DNAH11: variants seen among roughly 807,000 people sequenced by gnomAD.
The protein encoded by DNAH11 is dynein axonemal heavy chain 11.
In DNAH11, 442 loss-of-function variants were observed where a neutral mutation model predicts 526.0. That is an observed-to-expected ratio of 0.84 (90% CI 0.78 to 0.91). The LOEUF (loss-of-function observed/expected upper bound fraction) is 0.91. Among genes scored for constraint, DNAH11 ranks in the 40% least tolerant of loss-of-function variants. DNAH11 has a pLI of 0.00. For missense variants in DNAH11, 6,989 were observed against 5,448.7 expected (o/e 1.28, Z -8.90); for synonymous variants, 2,461 against 1,935.9 (o/e 1.27, Z -7.12).
At chr7:21,564,098 T>C in intron 5 of DNAH11, 88 bp from the exon 6 acceptor site, 1 of 932,230 alleles carries the variant, frequency 1.1e-6, no homozygotes, top group Non-Finnish European at 1.6e-6. Context: ...CATGTTGTTT[T>C]ACGTGGCTCT....
chr7:21,697,356 C>G (rs1262754764), intron 35 of DNAH11, among the ~76,000 whole-genome samples: 1 of 152,016 alleles, frequency 6.6e-6, no homozygotes, highest in Admixed American at 6.6e-5. Context: ...CCCAGTTGGT[C>G]CTAGGCAGTG....
rs768307162 is a variant in DNAH11, at chr7:21,749,832, C to A, written c.8797+31C>A. ...TAAACCAACACATTTCTTGAAAGATCTTCCCCAATGACAAATTATCTGTAG... is the reference window on the plus strand; with the variant it reads ...TAAACCAACACATTTCTTGAAAGATATTCCCCAATGACAAATTATCTGTAG... On this transcript the variant is annotated intron_variant, in intron 53 of 81. Transcript: ENST00000409508. The A allele has an allele frequency of 2.2e-5, 36 of 1,611,124 alleles. No homozygotes were observed. The African/African-American group carries it at 4.4e-4, about 20-fold the overall frequency.
chr7:21,672,067 C>G (rs1782662420), intron 30 of DNAH11, among the ~76,000 whole-genome samples: 1 of 152,150 alleles, frequency 6.6e-6, no homozygotes, highest in Non-Finnish European at 1.5e-5. Flanking sequence ...TTCCTTTGCT[C>G]TGGCTGGCGG....
Position 21,720,817 on chromosome 7 carries a change from T to C in DNAH11, c.7227T>C (p.Ala2409=). 2 of 1,613,058 alleles carry C rather than the reference T, an allele frequency of 1.2e-6. No homozygotes were observed. The change falls in exon 44 of 82, where the codon GCT becomes GCC. Residue 2409 remains alanine, a synonymous_variant. Coordinates refer to ENST00000409508, the MANE Select transcript of DNAH11 (RefSeq NM_001277115.2). ...KEVYEVYFVF[A]CIWAFGGTLL... ...TTTATGAAGTCTATTTTGTATTTGC[T>C]TGTATCTGGGCTTTTGGAGGCACCC...
intron 4 of DNAH11, among the ~76,000 whole-genome samples, chr7:21,560,407 T>C (rs1371234651): frequency 6.6e-6 from 1 of 152,136 alleles, no homozygotes; most frequent in Admixed American, 6.6e-5. Flanking sequence ...CTGTCTGTAG[T>C]TGAGGAGCAA....
intron 65 of DNAH11, among the ~76,000 whole-genome samples, chr7:21,839,284 G>A (rs1278857230): frequency 6.6e-6 from 1 of 152,034 alleles, no homozygotes; most frequent in African/African-American, 2.4e-5. Context: ...TATATTAAAA[G>A]TTGATGCCGA....
chr7:21,669,049 A>G (rs893433580), intron 30 of DNAH11, among the ~76,000 whole-genome samples: 1 of 152,178 alleles, frequency 6.6e-6, no homozygotes. Context: ...TTGTGATTTT[A>G]ACTGGCATTT....
intron 55 of DNAH11, among the ~76,000 whole-genome samples, chr7:21,766,206 A>G (rs1353059901): frequency 6.6e-6 from 1 of 152,206 alleles, no homozygotes; most frequent in African/African-American, 2.4e-5. Context: ...GCATTTTAAA[A>G]TGGTTGTACA....
intron 46 of DNAH11, 135 bp from the exon 47 acceptor site, chr7:21,738,566 T>C: frequency 9.5e-6 from 8 of 837,722 alleles, no homozygotes; most frequent in Non-Finnish European, 1.4e-5. Context: ...CCCGGGTCTC[T>C]TAACCTATGA....
chr7:21,842,105 C>T (rs1390305353), intron 65 of DNAH11, among the ~76,000 whole-genome samples: 1 of 152,032 alleles, frequency 6.6e-6, no homozygotes, highest in Non-Finnish European at 1.5e-5. Context: ...GTTTTTGTGA[C>T]CAGGAACATG....
intron 66 of DNAH11, among the ~76,000 whole-genome samples, chr7:21,843,789 C>T (rs1384683798): frequency 6.6e-6 from 1 of 151,992 alleles, no homozygotes; most frequent in African/African-American, 2.4e-5. Context: ...ATGCTGTGCC[C>T]AGCTTTCTAA....
At chr7:21,892,897 T>C (rs892742121) in intron 77 of DNAH11, among the ~76,000 whole-genome samples, 2 of 152,156 alleles carry the variant, frequency 1.3e-5, no homozygotes, top group African/African-American at 4.8e-5. Context: ...ACCTCTATCA[T>C]CACAGATTAG....
intron 9 of DNAH11, among the ~76,000 whole-genome samples, chr7:21,585,127 C>G (rs1010120246): frequency 1.3e-5 from 2 of 151,882 alleles, no homozygotes; most frequent in African/African-American, 4.8e-5. Flanking sequence ...GATATTTGAC[C>G]TGTTTACTGA....
At chr7:21,835,284 C>G (rs1036283642) in intron 65 of DNAH11, among the ~76,000 whole-genome samples, 4 of 150,358 alleles carry the variant, frequency 2.7e-5, no homozygotes, top group African/African-American at 9.8e-5. Flanking sequence ...CAGCATCACC[C>G]TGATACTAAA....
intron 63 of DNAH11, among the ~76,000 whole-genome samples, chr7:21,808,916 G>A (rs1355276400): frequency 6.6e-6 from 1 of 152,118 alleles, no homozygotes; most frequent in African/African-American, 2.4e-5. Context: ...TAGATTGCTG[G>A]ATCATATGGT....
At chr7:21,590,413 C>T (rs879695098) in intron 12 of DNAH11, among the ~76,000 whole-genome samples, 12 of 152,154 alleles carry the variant, frequency 7.9e-5, no homozygotes, top group Admixed American at 7.9e-4. Flanking sequence ...ATGCCTTAAA[C>T]ATCTAGCTGA....
intron 52 of DNAH11, 109 bp from the exon 53 acceptor site, chr7:21,749,569 C>T: frequency 7.0e-7 from 1 of 1,430,902 alleles, no homozygotes; most frequent in Non-Finnish European, 9.5e-7. Context: ...AAAGGCACCC[C>T]ACAGTGCTAT....
At chr7:21,867,831 C>A (rs747411334) in intron 71 of DNAH11, 28 bp from the exon 72 acceptor site, 2 of 1,492,748 alleles carry the variant, frequency 1.3e-6, no homozygotes, top group Non-Finnish European at 1.8e-6. Flanking sequence ...AACCACTGAT[C>A]ATGTTTTTAT....
intron 2 of DNAH11, among the ~76,000 whole-genome samples, chr7:21,550,174 G>A (rs894497928): frequency 6.6e-6 from 1 of 151,884 alleles, no homozygotes; most frequent in Non-Finnish European, 1.5e-5. Flanking sequence ...CTTGACTTGA[G>A]TATAGTGAGT....
Sources: allele counts gnomAD v4.1 joint callset (sites outside exome capture counted in the v4.1 genomes callset), GRCh38; gene constraint gnomAD v4.1.1; transcripts MANE v1.5; gene names NCBI Gene and HGNC (gene_info 2026-07-23, HGNC 2026-07-21).